The following TMEM163 variants were observed in gnomAD, a reference collection of about 807,000 sequenced individuals.
TMEM163 encodes transmembrane protein 163.
TMEM163 carries 17 observed loss-of-function variants against 29.3 expected under a neutral mutation model. The ratio of observed to expected loss-of-function variants is 0.58; its 90% CI spans 0.40 to 0.87. The LOEUF is 0.87. Ranked by LOEUF, TMEM163 falls within the 40% of genes least tolerant of loss-of-function variation. The probability of loss-of-function intolerance (pLI) is 0.00; values close to 1 mark genes in which losing one functional copy is unlikely to be tolerated. For missense variants in TMEM163, 303 were observed against 381.5 expected, an observed-to-expected ratio of 0.79 and a Z score of 1.71; for synonymous variants, 157 against 160.6, an observed-to-expected ratio of 0.98 and a Z score of 0.17.
intron 2 of TMEM163, among the ~76,000 whole-genome samples, chr2:134,600,592 C>T (rs1156628754): frequency 6.6e-6 from 1 of 152,120 alleles, no homozygotes; most frequent in African/African-American, 2.4e-5. Context: ...ACTTAATCCC[C>T]AGTGTGGCAG....
At chr2:134,511,412 G>A (rs1679947463) in intron 4 of TMEM163, among the ~76,000 whole-genome samples, 1 of 152,216 alleles carries the variant, frequency 6.6e-6, no homozygotes. Context: ...ACTAAGGATG[G>A]CAGGGCACCA....
chr2:134,616,491 G>A (rs1682611684), intron 2 of TMEM163, among the ~76,000 whole-genome samples: 4 of 152,190 alleles, frequency 2.6e-5, no homozygotes, highest in Admixed American at 2.6e-4. Context: ...AAAGAAGACT[G>A]CATTGATATG....
chr2:134,465,189 T>TAAAAAAAAAA (rs1181405890), intron 6 of TMEM163, among the ~76,000 whole-genome samples: 2,321 of 117,102 alleles, frequency 0.02, 58 homozygotes, highest in East Asian at 0.16. Flanking sequence ...TCCGCATCTT[T>TAAAAAAAAAA]AAAAAAAAAA....
intron 2 of TMEM163, among the ~76,000 whole-genome samples, chr2:134,709,930 G>T (rs551509615): frequency 6.6e-6 from 1 of 152,318 alleles, no homozygotes; most frequent in Admixed American, 6.5e-5. Context: ...AGAATCCAGA[G>T]ATTCATTTTT....
intron 5 of TMEM163, among the ~76,000 whole-genome samples, chr2:134,502,465 T>C (rs1679718008): frequency 6.6e-6 from 1 of 152,194 alleles, no homozygotes; most frequent in African/African-American, 2.4e-5. Context: ...CCAGTGTCAA[T>C]TGTGCCAGAA....
chr2:134,466,066 C>T, intron 6 of TMEM163, 48 bp downstream of exon 6: 1 of 1,388,078 alleles, frequency 7.2e-7, no homozygotes, highest in South Asian at 1.2e-5. Flanking sequence ...GCATCTTCCT[C>T]CACTGTGAGC....
intron 4 of TMEM163, among the ~76,000 whole-genome samples, chr2:134,538,739 G>A (rs1680596938): frequency 6.6e-6 from 1 of 152,204 alleles, no homozygotes; most frequent in South Asian, 2.1e-4. Flanking sequence ...AGGACCAAGA[G>A]TACCTGATTC....
intron 2 of TMEM163, among the ~76,000 whole-genome samples, chr2:134,619,854 G>A (rs1283815064): frequency 2.0e-5 from 3 of 152,120 alleles, no homozygotes; most frequent in African/African-American, 7.2e-5. Flanking sequence ...CAGGACACAA[G>A]ATCAATATAC....
At chr2:134,705,447 A>C (rs58429561) in intron 2 of TMEM163, among the ~76,000 whole-genome samples, 2,261 of 152,208 alleles carry the variant, frequency 0.015, 55 homozygotes, top group African/African-American at 0.052. Context: ...CCAAGGAGAG[A>C]GGCCTCAGAA....
intron 1 of TMEM163, chr2:134,713,663 G>C (rs1016517238): frequency 6.3e-6 from 3 of 477,544 alleles, no homozygotes; most frequent in East Asian, 6.3e-5. Context: ...GGTAGATGCT[G>C]TTCCTGCCCA....
chr2:134,612,539 C>T (rs1682527715), intron 2 of TMEM163, among the ~76,000 whole-genome samples: 1 of 25,630 alleles, frequency 3.9e-5, no homozygotes, highest in Non-Finnish European at 7.8e-5. Flanking sequence ...GAAGGTTTGC[C>T]CCAACACACA....
At chr2:134,539,613 A>G (rs1680619280) in intron 4 of TMEM163, among the ~76,000 whole-genome samples, 1 of 152,248 alleles carries the variant, frequency 6.6e-6, no homozygotes, top group South Asian at 2.1e-4. Context: ...AAAATTTAAA[A>G]AGTCTAAGGA....
chr2:134,716,391 G>A (rs73958807), intron 1 of TMEM163, among the ~76,000 whole-genome samples: 6,619 of 152,206 alleles, frequency 0.043, 473 homozygotes, highest in African/African-American at 0.15. Context: ...TTTCTAAGGC[G>A]CAAATGCCTC....
At chr2:134,709,240 C>T (rs1467793816) in intron 2 of TMEM163, among the ~76,000 whole-genome samples, 1 of 152,126 alleles carries the variant, frequency 6.6e-6, no homozygotes, top group African/African-American at 2.4e-5. Context: ...CGATTATAAA[C>T]AGAATGAATT....
chr2:134,606,812 G>A (rs553085858), intron 2 of TMEM163, among the ~76,000 whole-genome samples: 1 of 152,368 alleles, frequency 6.6e-6, no homozygotes, highest in East Asian at 1.9e-4. Context: ...GATGGGGGCA[G>A]TGAGTGAATC....
chr2:134,496,797 C>A (rs944366069), intron 5 of TMEM163, among the ~76,000 whole-genome samples: 3 of 151,302 alleles, frequency 2.0e-5, no homozygotes, highest in Non-Finnish European at 3.0e-5. Context: ...AACACAAAGT[C>A]ATTTTTCCTT....
intron 2 of TMEM163, among the ~76,000 whole-genome samples, chr2:134,612,972 G>A (rs1682538518): frequency 2.6e-5 from 4 of 152,148 alleles, no homozygotes; most frequent in Admixed American, 2.6e-4. Flanking sequence ...CTTTAAGTCA[G>A]CTTTTATAAA....
intron 2 of TMEM163, among the ~76,000 whole-genome samples, chr2:134,708,010 C>A (rs141517433): frequency 6.6e-6 from 1 of 151,872 alleles, no homozygotes; most frequent in Non-Finnish European, 1.5e-5. Context: ...CTTCAGCCTC[C>A]CAAGTAGCTG....
intron 4 of TMEM163, among the ~76,000 whole-genome samples, chr2:134,521,353 G>A (rs968904857): frequency 1.1e-4 from 17 of 152,076 alleles, no homozygotes; most frequent in Admixed American, 4.6e-4. Flanking sequence ...CTCAACCAGG[G>A]TCAATTTTGC....
Sources: gnomAD v4.1 joint callset for allele counts (sites outside exome capture counted in the v4.1 genomes callset) on GRCh38, gnomAD v4.1.1 for gene constraint, MANE v1.5 for transcripts, NCBI Gene and HGNC (gene_info 2026-07-23, HGNC 2026-07-21) for gene names.